Variants in TANC1 observed in about 807,000 individuals in gnomAD.
The protein encoded by TANC1 is tetratricopeptide repeat, ankyrin repeat and coiled-coil containing 1.
TANC1 carries 77 observed loss-of-function variants against 149.7 expected under a neutral mutation model. The ratio of observed to expected loss-of-function variants is 0.51; its 90% CI spans 0.43 to 0.62. The LOEUF (loss-of-function observed/expected upper bound fraction) is 0.62. Ranked by LOEUF, TANC1 falls within the 20% of genes least tolerant of loss-of-function variation. The pLI, the probability that TANC1 is intolerant of heterozygous loss-of-function variation, is 0.00. For synonymous variants in TANC1, 854 were observed against 925.0 expected, an observed-to-expected ratio of 0.92 and a Z score of 1.39; for missense variants, 1,985 against 2,321.8, an observed-to-expected ratio of 0.85 and a Z score of 2.98.
chr2:159,131,534 C>T (rs2050106294), intron 4 of TANC1, among the ~76,000 whole-genome samples: 1 of 150,878 alleles, frequency 6.6e-6, no homozygotes. Flanking sequence ...CCCCTGCCCC[C>T]ACCCAACACT....
chr2:159,085,441 TA>T (rs2044737306), intron 3 of TANC1, among the ~76,000 whole-genome samples: 1 of 152,166 alleles, frequency 6.6e-6, no homozygotes, highest in African/African-American at 2.4e-5. Context: ...AGGAAGGGCT[TA>T]AGAACTGCCA....
At chr2:159,091,148 A>G (rs1353683280) in intron 3 of TANC1, among the ~76,000 whole-genome samples, 1 of 152,028 alleles carries the variant, frequency 6.6e-6, no homozygotes, top group Non-Finnish European at 1.5e-5. Flanking sequence ...AGCCTTTCTC[A>G]GTAGCCTTCT....
chr2:159,176,949 A>G (rs4665030), intron 13 of TANC1, among the ~76,000 whole-genome samples: 142,620 of 144,864 alleles, frequency 0.98, 70,238 homozygotes, highest in East Asian at 1. Context: ...TCGCTCTGTC[A>G]CCCAGGATGG....
intron 2 of TANC1, among the ~76,000 whole-genome samples, chr2:159,040,620 A>G (rs995803448): frequency 6.6e-6 from 1 of 152,158 alleles, no homozygotes; most frequent in Admixed American, 6.5e-5. Flanking sequence ...CAGGTCATTT[A>G]AGGTCTTCTC....
At chr2:159,225,919 C>T (rs1480931734) in intron 24 of TANC1, 140 bp downstream of exon 24, 14 of 728,110 alleles carry the variant, frequency 1.9e-5, no homozygotes, top group Admixed American at 4.4e-5. Context: ...GGGTGGCTCA[C>T]GCCTGTAACT....
At chr2:158,989,493 C>G (rs2035381128) in intron 1 of TANC1, among the ~76,000 whole-genome samples, 1 of 151,596 alleles carries the variant, frequency 6.6e-6, no homozygotes, top group African/African-American at 2.4e-5. Flanking sequence ...GCCTATAGTC[C>G]CAGCCACTTG....
chr2:159,091,296 G>A (rs889599772), intron 3 of TANC1, among the ~76,000 whole-genome samples: 1 of 152,126 alleles, frequency 6.6e-6, no homozygotes, highest in Admixed American at 6.5e-5. Context: ...TGAAAAGGGG[G>A]CTAATAGCAA....
chr2:159,181,000 G>A (rs62171132), intron 14 of TANC1, among the ~76,000 whole-genome samples: 4,661 of 152,216 alleles, frequency 0.031, 94 homozygotes, highest in African/African-American at 0.055. Context: ...AAAAATGGTA[G>A]CATTTCTTCC....
chr2:159,081,497 G>A (rs1156841831), intron 3 of TANC1, among the ~76,000 whole-genome samples: 1 of 151,832 alleles, frequency 6.6e-6, no homozygotes, highest in African/African-American at 2.4e-5. Flanking sequence ...CCGAAGATGG[G>A]GTCTACCCTC....
intron 2 of TANC1, among the ~76,000 whole-genome samples, chr2:159,030,843 C>G (rs972335120): frequency 6.6e-6 from 1 of 152,172 alleles, no homozygotes; most frequent in Non-Finnish European, 1.5e-5. Flanking sequence ...GGGCTTGGAA[C>G]CCCCATCTCA....
intron 22 of TANC1, among the ~76,000 whole-genome samples, chr2:159,223,373 T>C (rs948287134): frequency 1.3e-5 from 2 of 152,200 alleles, no homozygotes; most frequent in African/African-American, 4.8e-5. Flanking sequence ...GTTGAGCACT[T>C]GTTGATCATT....
chr2:159,188,789 C>T (rs1381253597), intron 16 of TANC1, among the ~76,000 whole-genome samples: 2 of 152,266 alleles, frequency 1.3e-5, no homozygotes, highest in African/African-American at 4.8e-5. Flanking sequence ...TCGCATATCC[C>T]CAGCTCCCTT....
chr2:159,008,452 G>A (rs902609435), intron 2 of TANC1, among the ~76,000 whole-genome samples: 4 of 152,196 alleles, frequency 2.6e-5, no homozygotes, highest in African/African-American at 9.7e-5. Flanking sequence ...TTCATGGGCT[G>A]CATAAAATAA....
At chr2:159,045,391 C>A (rs976238920) in intron 2 of TANC1, among the ~76,000 whole-genome samples, 2 of 152,160 alleles carry the variant, frequency 1.3e-5, no homozygotes, top group African/African-American at 4.8e-5. Flanking sequence ...GAGATTGCAC[C>A]ACTGCACAAC....
chr2:159,116,341 C>G (rs66941599), intron 4 of TANC1, among the ~76,000 whole-genome samples: 187 of 151,802 alleles, frequency 1.2e-3, no homozygotes, highest in African/African-American at 4.4e-3. Flanking sequence ...GCAGGAGAAT[C>G]GCTTGAACCC....
chr2:158,987,469 A>T (rs1166873752), intron 1 of TANC1, among the ~76,000 whole-genome samples: 1 of 152,130 alleles, frequency 6.6e-6, no homozygotes, highest in Non-Finnish European at 1.5e-5. Flanking sequence ...TCAAGGCTAC[A>T]GTGAGCTATG....
intron 18 of TANC1, among the ~76,000 whole-genome samples, chr2:159,197,176 C>T (rs940160568): frequency 1.3e-5 from 2 of 152,142 alleles, no homozygotes; most frequent in Non-Finnish European, 1.5e-5. Flanking sequence ...ATTCTAAAAT[C>T]GTTCCTGAGT....
At chr2:159,053,328 C>T (rs1056897084) in intron 2 of TANC1, among the ~76,000 whole-genome samples, 7 of 152,094 alleles carry the variant, frequency 4.6e-5, no homozygotes, top group African/African-American at 1.7e-4. Context: ...CCCATATGCC[C>T]TTTCTCACAG....
rs1201725534 is a variant in TANC1, at chr2:159,186,905, C to A, written c.2623C>A (p.Leu875Ile). The change falls in exon 16 of 27, where the codon CTC becomes ATC. Residue 875 changes from leucine to isoleucine, a missense_variant. Leu to Ile is a conservative substitution (Grantham distance 5, BLOSUM62 2). Coordinates refer to ENST00000263635, the MANE Select transcript of TANC1 (RefSeq NM_033394.3). The part of the protein sequence containing the change: ...HILKAHIFKG[L>I]SKKTGISSSH... ...GATCTGTCTCGATTGTTTCCAGGGC[C>A]TCAGTAAGAAGACGGGAATTTCTTC... 6.2e-7 allele frequency: 1 copy of A among 1,614,198 alleles called. No individual in the cohort carries two copies. The highest frequency in any genetic ancestry group is 8.5e-7 in the Non-Finnish European group (1 of 1,180,034).
Sources: gnomAD v4.1 joint callset for allele counts (sites outside exome capture counted in the v4.1 genomes callset) on GRCh38, gnomAD v4.1.1 for gene constraint, MANE v1.5 for transcripts, NCBI Gene and HGNC (gene_info 2026-07-23, HGNC 2026-07-21) for gene names.